The following HHLA2 variants were observed in gnomAD, a reference collection of about 807,000 sequenced individuals.
HHLA2 encodes HERV-H LTR-associating protein 2.
HHLA2 carries 48 observed loss-of-function variants against 45.9 expected under a neutral mutation model. The ratio of observed to expected loss-of-function variants is 1.05; its 90% CI spans 0.83 to 1.33. The LOEUF (loss-of-function observed/expected upper bound fraction) is 1.33, where lower values mean the gene tolerates loss of function less well. HHLA2 is among the 40% of genes most tolerant of loss of function. The probability of loss-of-function intolerance (pLI) is 0.00; values close to 1 mark genes in which losing one functional copy is unlikely to be tolerated. For synonymous variants in HHLA2, 161 were observed against 173.9 expected (o/e 0.93, Z 0.59); for missense variants, 462 against 494.3 (o/e 0.93, Z 0.62).
intron 3 of HHLA2, among the ~76,000 whole-genome samples, 182 bp from the exon 3 acceptor site, chr3:108,351,606 G>T (rs1409830172): frequency 6.6e-6 from 1 of 152,126 alleles, no homozygotes; most frequent in Non-Finnish European, 1.5e-5. Context: ...TTTAGAAATT[G>T]TATTGTAATC....
At chr3:108,321,708 A>G (rs748331092) in intron 2 of HHLA2, among the ~76,000 whole-genome samples, 7 of 151,580 alleles carry the variant, frequency 4.6e-5, no homozygotes, top group Non-Finnish European at 1.0e-4. Flanking sequence ...ATTCTGGAAA[A>G]TTTTCTTAAA....
At chr3:108,343,100 CT>C (rs1454229632) in intron 3 of HHLA2, among the ~76,000 whole-genome samples, 1 of 152,132 alleles carries the variant, frequency 6.6e-6, no homozygotes, top group African/African-American at 2.4e-5. Flanking sequence ...TTAAAACTTT[CT>C]GGATGACAGT....
chr3:108,326,111 CT>C (rs1391595111), intron 2 of HHLA2: 78 of 246,218 alleles, frequency 3.2e-4, no homozygotes, highest in Admixed American at 4.6e-4. Context: ...TCTTCGGTGT[CT>C]TTTTTTTAAT....
At chr3:108,368,437 C>T (rs1335086918) in intron 8 of HHLA2, among the ~76,000 whole-genome samples, 1 of 148,930 alleles carries the variant, frequency 6.7e-6, no homozygotes, top group African/African-American at 2.5e-5. Context: ...AGTCAAGACC[C>T]ATCAGTGTGC....
At chr3:108,307,026 T>C (rs2080941656) in intron 1 of HHLA2, among the ~76,000 whole-genome samples, 1 of 152,100 alleles carries the variant, frequency 6.6e-6, no homozygotes, top group Non-Finnish European at 1.5e-5. Context: ...TGGCTAACTT[T>C]TGTGTTTTTA....
chr3:108,342,172 A>G (rs1414765446), intron 3 of HHLA2, among the ~76,000 whole-genome samples: 4 of 151,630 alleles, frequency 2.6e-5, no homozygotes, highest in Admixed American at 6.6e-5. Context: ...AAATTTAATC[A>G]TATCCTACTA....
Position 108,330,787 on chromosome 3 carries a change from C to T in HHLA2, c.-27+2440C>T, listed in dbSNP as rs149220143. ...CTGGTAAAAACCCTGAGTGGAGGACCAAGCTGAGCTGTGCCAAGATGCCTA... is the reference window on the plus strand; with the variant it reads ...CTGGTAAAAACCCTGAGTGGAGGACTAAGCTGAGCTGTGCCAAGATGCCTA... On this transcript the variant is annotated intron_variant, in intron 3 of 10. Coordinates refer to ENST00000619531, the Ensembl canonical transcript of HHLA2. Among the ~76,000 whole-genome samples, 654 of 152,202 alleles carry T rather than the reference C, an allele frequency of 4.3e-3. 2 individuals are homozygous for T. Among genetic ancestry groups the T allele is most frequent in the Middle Eastern group, 6.8e-3 (2 of 294 alleles).
chr3:108,349,252 C>A (rs1456683969), intron 3 of HHLA2, among the ~76,000 whole-genome samples: 2 of 150,340 alleles, frequency 1.3e-5, no homozygotes, highest in African/African-American at 2.4e-5. Context: ...ACTAGCCAGA[C>A]TAATAAAGAA....
At chr3:108,357,679 A>G (rs2081918802) in intron 6 of HHLA2, among the ~76,000 whole-genome samples, 165 bp from the exon 6 acceptor site, 1 of 152,168 alleles carries the variant, frequency 6.6e-6, no homozygotes, top group African/African-American at 2.4e-5. Flanking sequence ...TGGTAGTAAA[A>G]CTTGTCTTTT....
intron 3 of HHLA2, among the ~76,000 whole-genome samples, chr3:108,341,003 A>T (rs1318969973): frequency 7.2e-6 from 1 of 139,398 alleles, no homozygotes; most frequent in Non-Finnish European, 1.5e-5. Context: ...CCCAGGCTGG[A>T]GTGCAGGGGT....
chr3:108,301,015 A>G (rs901570940), intron 1 of HHLA2, among the ~76,000 whole-genome samples: 2 of 152,120 alleles, frequency 1.3e-5, no homozygotes, highest in Non-Finnish European at 2.9e-5. Context: ...TTTTCACTGA[A>G]ATTTTCTCTT....
chr3:108,342,735 G>A (rs1027915910), intron 3 of HHLA2, among the ~76,000 whole-genome samples: 1 of 152,062 alleles, frequency 6.6e-6, no homozygotes, highest in East Asian at 1.9e-4. Context: ...TATTATAATC[G>A]CATAGGATTT....
rs1369400539 is a variant in HHLA2 at position 108,358,163 on chromosome 3, T to C, written c.1003+2T>C. On this transcript the variant is annotated splice_donor_variant, in intron 7 of 10. Transcript: ENST00000619531. LOFTEE classifies it high-confidence loss of function. The stretch of plus-strand genomic sequence containing the variant: ...TTACCATCCACACAGTGCATGTAGG[T>C]AAGTTGCAAGTAGGTTTGGATAATG... 6.3e-7 allele frequency: 1 copy of C among 1,593,226 alleles called. No individual in the cohort carries two copies. Among genetic ancestry groups the C allele is most frequent in the South Asian group, 1.1e-5 (1 of 88,414 alleles).
At chr3:108,344,435 A>T (rs2081627956) in intron 3 of HHLA2, among the ~76,000 whole-genome samples, 1 of 152,178 alleles carries the variant, frequency 6.6e-6, no homozygotes, top group Admixed American at 6.5e-5. Context: ...TTTCCAAAGC[A>T]TTCATCTTAT....
chr3:108,299,519 G>T (rs1257666149), intron 1 of HHLA2, among the ~76,000 whole-genome samples: 1 of 152,040 alleles, frequency 6.6e-6, no homozygotes, highest in Non-Finnish European at 1.5e-5. Context: ...CGTCAGAGTA[G>T]TATGTTCTGA....
chr3:108,360,213 C>T (rs1248058354), intron 7 of HHLA2, among the ~76,000 whole-genome samples: 1 of 152,122 alleles, frequency 6.6e-6, no homozygotes, highest in Non-Finnish European at 1.5e-5. Flanking sequence ...TCAACCAGAA[C>T]ACATTTCTGT....
chr3:108,352,167 G>A lies in HHLA2; in HGVS notation c.64+290G>A, dbSNP rs562842002. On this transcript the variant is annotated intron_variant, in intron 4 of 10. Coordinates refer to ENST00000619531, the Ensembl canonical transcript of HHLA2. ...TTGATTTTTTTTTTTTTAAGTGTAAGCTTGGTACTTACCACTTGACAGAAG... is the reference window on the plus strand; with the variant it reads ...TTGATTTTTTTTTTTTTAAGTGTAAACTTGGTACTTACCACTTGACAGAAG... Among the ~76,000 whole-genome samples, 3 of 151,298 alleles carry A rather than the reference G, an allele frequency of 2.0e-5. No homozygotes were observed. The South Asian group carries it at 6.2e-4, about 31-fold the overall frequency.
chr3:108,321,679 T>C lies in HHLA2; in HGVS notation c.-104-6591T>C, dbSNP rs79140119. On this transcript the variant is annotated intron_variant, in intron 2 of 10. Coordinates refer to ENST00000619531, the Ensembl canonical transcript of HHLA2. ...TTTTATTCAGTAAGCTTTTTTTCAG[T>C]AATAGCAATTCATTTATTATTCTGG... Among the ~76,000 whole-genome samples the C allele has an allele frequency of 3.3e-4, 51 of 152,274 alleles. 1 individual carries two copies. The East Asian group carries it at 7.7e-3, about 23-fold the overall frequency.
At chr3:108,338,122 TATATATC>T (rs60974036) in intron 3 of HHLA2, among the ~76,000 whole-genome samples, 205 of 151,834 alleles carry the variant, frequency 1.4e-3, no homozygotes, top group African/African-American at 4.7e-3. Flanking sequence ...TATATAGAAA[TATATATC>T]ATAGATATCT....
Sources: gnomAD v4.1 joint callset for allele counts (sites outside exome capture counted in the v4.1 genomes callset) on GRCh38, gnomAD v4.1.1 for gene constraint, MANE v1.5 for transcripts, NCBI Gene and HGNC (gene_info 2026-07-23, HGNC 2026-07-21) for gene names.